ADGRL2: variants seen among roughly 807,000 people sequenced by gnomAD.
ADGRL2 encodes adhesion G protein-coupled receptor L2.
Under a neutral mutation model 157.4 loss-of-function variants are expected in ADGRL2, and 44 were observed. The observed-to-expected ratio is 0.28, with a 90% confidence interval of 0.22 to 0.36. The LOEUF (loss-of-function observed/expected upper bound fraction) is 0.36. Ranked by LOEUF, ADGRL2 falls within the 10% of genes least tolerant of loss-of-function variation. The pLI is 1.00. For missense variants in ADGRL2, 1,510 were observed against 1,768.9 expected (o/e 0.85, Z 2.63); for synonymous variants, 585 against 624.7 (o/e 0.94, Z 0.95).
At chr1:81,658,846 G>T (rs1172153412) in intron 3 of ADGRL2, among the ~76,000 whole-genome samples, 1 of 151,836 alleles carries the variant, frequency 6.6e-6, no homozygotes, top group Non-Finnish European at 1.5e-5. Flanking sequence ...CTGCCTCCCG[G>T]GTTGATGTGA....
chr1:81,919,988 A>G (rs1167133471), intron 3 of ADGRL2, among the ~76,000 whole-genome samples: 1 of 152,216 alleles, frequency 6.6e-6, no homozygotes, highest in East Asian at 1.9e-4. Context: ...TAATTTAAAT[A>G]TTCATCAAAG....
intron 2 of ADGRL2, among the ~76,000 whole-genome samples, chr1:81,868,059 T>TGG (rs1457594162): frequency 2.2e-5 from 2 of 89,088 alleles, no homozygotes; most frequent in African/African-American, 8.6e-5. Context: ...TGTGTGTGTG[T>TGG]GGTGTGTGTG....
chr1:81,827,560 C>T (rs1295808183), intron 1 of ADGRL2, among the ~76,000 whole-genome samples: 1 of 152,184 alleles, frequency 6.6e-6, no homozygotes, highest in African/African-American at 2.4e-5. Context: ...TATACACACA[C>T]TGAAAACACG....
intron 3 of ADGRL2, among the ~76,000 whole-genome samples, chr1:81,587,618 T>G (rs939523101): frequency 1.3e-5 from 2 of 152,160 alleles, no homozygotes; most frequent in African/African-American, 4.8e-5. Context: ...TTGCATGTTA[T>G]GCTAAAGAGT....
chr1:81,337,026 A>T (rs1458532221), intron 1 of ADGRL2, among the ~76,000 whole-genome samples: 1 of 152,132 alleles, frequency 6.6e-6, no homozygotes, highest in Non-Finnish European at 1.5e-5. Flanking sequence ...AGCAGCCTTG[A>T]CTTCACAGGG....
At chr1:81,608,245 C>A (rs1169296922) in intron 3 of ADGRL2, among the ~76,000 whole-genome samples, 1 of 152,116 alleles carries the variant, frequency 6.6e-6, no homozygotes, top group Non-Finnish European at 1.5e-5. Context: ...AAGGGTGGGT[C>A]AGAGGGTAGA....
chr1:81,848,840 A>G (rs541108873), intron 2 of ADGRL2, among the ~76,000 whole-genome samples: 4 of 151,984 alleles, frequency 2.6e-5, no homozygotes, highest in African/African-American at 9.7e-5. Context: ...TGTAACAATT[A>G]TAACAAGAAT....
intron 3 of ADGRL2, among the ~76,000 whole-genome samples, chr1:81,622,511 G>A (rs1332031365): frequency 6.6e-6 from 1 of 152,176 alleles, no homozygotes; most frequent in African/African-American, 2.4e-5. Context: ...AACCTGGGAG[G>A]CGGAAGTTTC....
At chr1:81,759,632 T>C (rs1221227078) in intron 1 of ADGRL2, among the ~76,000 whole-genome samples, 1 of 152,150 alleles carries the variant, frequency 6.6e-6, no homozygotes, top group Non-Finnish European at 1.5e-5. Flanking sequence ...AGATGTTTAA[T>C]ATTCACCAAA....
Position 81,990,846 on chromosome 1 carries a change from G to A in ADGRL2, c.4111G>A (p.Asp1371Asn). The A allele has an allele frequency of 6.2e-7, 1 of 1,614,132 alleles. No individual in the cohort carries two copies. Among genetic ancestry groups the A allele is most frequent in the East Asian group, 2.2e-5 (1 of 44,858 alleles). Residue 1371 changes from aspartate (D) to asparagine (N), a missense_variant, in exon 24 of 24, where the codon GAT becomes AAT. Transcript: ENST00000686636. ...CTCCCAACTGACAGCAGAGGCTGAAGATCACCTACAGTCCCCCAACAGAGA... is the reference window on the plus strand; with the variant it reads ...CTCCCAACTGACAGCAGAGGCTGAAAATCACCTACAGTCCCCCAACAGAGA... ...YVSQLTAEAE[D>N]HLQSPNRDSL...
chr1:81,401,754 G>T, intron 1 of ADGRL2, among the ~76,000 whole-genome samples: 1 of 152,116 alleles, frequency 6.6e-6, no homozygotes, highest in African/African-American at 2.4e-5. Flanking sequence ...TTTTCCAGAT[G>T]CCTGTTCGAA....
At chr1:81,422,169 T>C (rs2077136606) in intron 1 of ADGRL2, among the ~76,000 whole-genome samples, 1 of 135,810 alleles carries the variant, frequency 7.4e-6, no homozygotes, top group African/African-American at 2.6e-5. Context: ...TATCCACATA[T>C]TTACATCTCT....
chr1:81,557,480 AAG>A (rs1453670871), intron 2 of ADGRL2: 1 of 70,290 alleles, frequency 1.4e-5, no homozygotes, highest in African/African-American at 6.8e-5. Flanking sequence ...GAAAGAAAGA[AAG>A]AAGAAAGAAA....
intron 2 of ADGRL2, among the ~76,000 whole-genome samples, chr1:81,873,248 A>G (rs892087321): frequency 3.9e-5 from 6 of 152,128 alleles, no homozygotes; most frequent in Non-Finnish European, 8.8e-5. Flanking sequence ...CTGTACTCTT[A>G]ATAGTGAACT....
chr1:81,911,634 T>G (rs931791224), intron 3 of ADGRL2, among the ~76,000 whole-genome samples: 7 of 152,308 alleles, frequency 4.6e-5, no homozygotes, highest in Admixed American at 3.3e-4. Context: ...CACTTTGGCC[T>G]AGAGATCTAA....
At chr1:81,485,198 CCTGT>C (rs2078474827) in intron 2 of ADGRL2, among the ~76,000 whole-genome samples, 1 of 149,782 alleles carries the variant, frequency 6.7e-6, no homozygotes, top group African/African-American at 2.5e-5. Flanking sequence ...AAAAAGTTTA[CCTGT>C]CTGAGTGGTG....
chr1:81,630,659 A>T (rs888887129), intron 3 of ADGRL2, among the ~76,000 whole-genome samples: 3 of 152,168 alleles, frequency 2.0e-5, no homozygotes, highest in African/African-American at 7.2e-5. Context: ...GGTGATATGC[A>T]TGTGGAGTTA....
chr1:81,932,478 G>A (rs2095247265), intron 3 of ADGRL2, among the ~76,000 whole-genome samples: 1 of 152,052 alleles, frequency 6.6e-6, no homozygotes, highest in Non-Finnish European at 1.5e-5. Context: ...TGTTTCACTT[G>A]TTTTACTAAG....
chr1:81,828,398 A>G (rs917635999), intron 1 of ADGRL2, among the ~76,000 whole-genome samples: 2 of 152,128 alleles, frequency 1.3e-5, no homozygotes, highest in Non-Finnish European at 2.9e-5. Context: ...TTTTATCATC[A>G]TTGGAAATGT....
Sources: gnomAD v4.1 joint callset for allele counts (sites outside exome capture counted in the v4.1 genomes callset) on GRCh38, gnomAD v4.1.1 for gene constraint, MANE v1.5 for transcripts, NCBI Gene and HGNC (gene_info 2026-07-23, HGNC 2026-07-21) for gene names.